The following SGCZ variants were observed in gnomAD, a reference collection of about 807,000 sequenced individuals.
SGCZ encodes sarcoglycan zeta.
In SGCZ, 40 loss-of-function variants were observed where a neutral mutation model predicts 41.3. That is an observed-to-expected ratio of 0.97 (90% CI 0.75 to 1.26). SGCZ has a LOEUF of 1.26. Among genes scored for constraint, SGCZ ranks in the 50% most tolerant of loss-of-function variants. The probability of loss-of-function intolerance (pLI) is 0.00; values close to 1 mark genes in which losing one functional copy is unlikely to be tolerated. For missense variants in SGCZ, 552 were observed against 369.8 expected (o/e 1.49, Z -4.04); for synonymous variants, 206 against 137.5 (o/e 1.50, Z -3.49).
intron 2 of SGCZ, among the ~76,000 whole-genome samples, chr8:14,506,029 T>C (rs1336357271): frequency 6.6e-6 from 1 of 151,914 alleles, no homozygotes; most frequent in Non-Finnish European, 1.5e-5. Flanking sequence ...TTTCATTCAA[T>C]GAAAAGCAAT....
intron 1 of SGCZ, among the ~76,000 whole-genome samples, chr8:14,820,699 T>C (rs1802049853): frequency 6.6e-6 from 1 of 151,930 alleles, no homozygotes; most frequent in Non-Finnish European, 1.5e-5. Flanking sequence ...TCAGAAAATT[T>C]ACAATAACAT....
intron 1 of SGCZ, among the ~76,000 whole-genome samples, chr8:15,163,165 A>G (rs2117045359): frequency 6.6e-6 from 1 of 152,364 alleles, no homozygotes; most frequent in African/African-American, 2.4e-5. Context: ...TTGCAAAGTC[A>G]TATCCAGCCA....
intron 1 of SGCZ, among the ~76,000 whole-genome samples, chr8:14,757,547 T>C (rs1239630377): frequency 6.6e-6 from 1 of 152,100 alleles, no homozygotes; most frequent in Non-Finnish European, 1.5e-5. Context: ...CAGAAATCTT[T>C]CCTTAAAACC....
intron 1 of SGCZ, among the ~76,000 whole-genome samples, chr8:14,754,065 G>A (rs1188598044): frequency 2.0e-5 from 3 of 152,168 alleles, no homozygotes; most frequent in Non-Finnish European, 4.4e-5. Flanking sequence ...ATAAGCCCAT[G>A]TCAACAGAGT....
chr8:14,939,972 T>C (rs1385411606), intron 1 of SGCZ, among the ~76,000 whole-genome samples: 2 of 152,182 alleles, frequency 1.3e-5, no homozygotes, highest in Non-Finnish European at 2.9e-5. Flanking sequence ...TCTATTTCAA[T>C]TCTTAGGGAT....
intron 2 of SGCZ, among the ~76,000 whole-genome samples, chr8:14,479,712 T>C (rs972801120): frequency 1.4e-5 from 2 of 146,388 alleles, no homozygotes; most frequent in African/African-American, 5.0e-5. Flanking sequence ...CCAGGTCGCA[T>C]ACCTCCAGAA....
At chr8:14,620,609 C>A (rs1806253081) in intron 1 of SGCZ, among the ~76,000 whole-genome samples, 1 of 152,080 alleles carries the variant, frequency 6.6e-6, no homozygotes, top group African/African-American at 2.4e-5. Flanking sequence ...ACAAACAACC[C>A]CATCAACAAG....
intron 1 of SGCZ, among the ~76,000 whole-genome samples, chr8:15,051,261 C>T (rs1422740214): frequency 6.6e-6 from 1 of 152,102 alleles, no homozygotes; most frequent in East Asian, 1.9e-4. Context: ...GGGGAGGAGG[C>T]TAAAGAGAAA....
chr8:14,626,356 C>A (rs1207676007), intron 1 of SGCZ, among the ~76,000 whole-genome samples: 1 of 152,010 alleles, frequency 6.6e-6, no homozygotes, highest in Non-Finnish European at 1.5e-5. Flanking sequence ...CTCCCTGTAT[C>A]CATGTGTTCT....
Position 14,471,235 on chromosome 8 carries a change from T to C in SGCZ, c.234+83497A>G, listed in dbSNP as rs1027684253. 4.6e-5 allele frequency among the ~76,000 whole-genome samples: 7 copies of C among 152,178 alleles called. No individual in the cohort carries two copies. In the South Asian group the frequency reaches 6.2e-4, roughly 13 times the overall value. On this transcript the variant is annotated intron_variant, in intron 2 of 7. Transcript: ENST00000382080. ...TTCAGAATATAGACAATCTGTGTCA[T>C]TGTAGAATGTTATTGTTTGACTCAT...
intron 1 of SGCZ, among the ~76,000 whole-genome samples, chr8:14,636,941 T>C (rs1276105303): frequency 6.6e-6 from 1 of 151,892 alleles, no homozygotes; most frequent in Non-Finnish European, 1.5e-5. Context: ...TCCCTGACAA[T>C]GGCAGCATTT....
chr8:14,591,611 C>G (rs1805242783), intron 1 of SGCZ, among the ~76,000 whole-genome samples: 1 of 152,022 alleles, frequency 6.6e-6, no homozygotes, highest in African/African-American at 2.4e-5. Context: ...GCACCTTATG[C>G]AAACGTTATT....
chr8:14,422,924 G>A (rs1799673695), intron 2 of SGCZ, among the ~76,000 whole-genome samples: 1 of 151,888 alleles, frequency 6.6e-6, no homozygotes, highest in African/African-American at 2.4e-5. Context: ...GCCACTTCAG[G>A]GACTGAGGAG....
intron 1 of SGCZ, among the ~76,000 whole-genome samples, chr8:15,150,960 C>T (rs901435639): frequency 3.3e-5 from 5 of 152,208 alleles, no homozygotes; most frequent in African/African-American, 1.2e-4. Context: ...GACCTACTGG[C>T]ATGCTTCTAA....
chr8:14,160,323 G>T (rs1434922781), intron 5 of SGCZ, among the ~76,000 whole-genome samples: 1 of 152,164 alleles, frequency 6.6e-6, no homozygotes, highest in African/African-American at 2.4e-5. Context: ...GAATACGAAT[G>T]AAACTGCAGA....
chr8:15,146,351 G>A (rs892871037), intron 1 of SGCZ, among the ~76,000 whole-genome samples: 1 of 152,088 alleles, frequency 6.6e-6, no homozygotes, highest in Non-Finnish European at 1.5e-5. Flanking sequence ...TCAATTATTT[G>A]AGGAAGCCAA....
At chr8:14,194,936 C>T (rs1370106262) in intron 4 of SGCZ, among the ~76,000 whole-genome samples, 1 of 151,960 alleles carries the variant, frequency 6.6e-6, no homozygotes, top group East Asian at 1.9e-4. Context: ...GCCAAAGAAA[C>T]CTCACGTGCA....
intron 1 of SGCZ, among the ~76,000 whole-genome samples, chr8:15,200,454 G>T (rs2117132606): frequency 6.6e-6 from 1 of 152,256 alleles, no homozygotes; most frequent in East Asian, 1.9e-4. Flanking sequence ...ACGTGGCTGA[G>T]CTCCATGAAT....
intron 3 of SGCZ, among the ~76,000 whole-genome samples, chr8:14,322,512 T>C (rs995066239): frequency 1.3e-5 from 2 of 152,100 alleles, no homozygotes; most frequent in Admixed American, 1.3e-4. Context: ...AAGAGAATCC[T>C]AATTTGACAC....
Sources: gnomAD v4.1 joint callset for allele counts (sites outside exome capture counted in the v4.1 genomes callset) on GRCh38, gnomAD v4.1.1 for gene constraint, MANE v1.5 for transcripts, NCBI Gene and HGNC (gene_info 2026-07-23, HGNC 2026-07-21) for gene names.